PCDHB10: variants seen among roughly 807,000 people sequenced by gnomAD.
PCDHB10 encodes the protein protocadherin beta-10.
For synonymous variants in PCDHB10, 448 were observed against 449.2 expected, an observed-to-expected ratio of 1.00 and a Z score of 0.04; for missense variants, 1,046 against 1,004.7, an observed-to-expected ratio of 1.04 and a Z score of -0.56.
rs1306857306 is a variant in PCDHB10, at chr5:141,194,827, G to A, written c.2275G>A (p.Gly759Arg). 17 of 1,614,030 alleles carry A rather than the reference G, an allele frequency of 1.1e-5. No individual in the cohort carries two copies. The African/African-American group carries it at 1.5e-4, about 14-fold the overall frequency. Residue 759 changes from glycine to arginine, a missense_variant, in exon 1 of 1, where the codon GGA becomes AGA. Coordinates refer to ENST00000239446, the MANE Select transcript of PCDHB10 (RefSeq NM_018930.4). ...CTACCAGTATGAGGTGTGTCTGACG[G>A]GAGGCCCCGGGACCAGTGAGTTCAA... ...QSYQYEVCLTGGPGTSEFKFL... is the reference protein window; with the variant it reads ...QSYQYEVCLTRGPGTSEFKFL...
chr5:141,193,282 C>T lies in PCDHB10; in HGVS notation c.730C>T (p.Gln244Ter), dbSNP rs782462436. The T allele has an allele frequency of 1.2e-6, 2 of 1,614,076 alleles. No individual in the cohort carries two copies. Among genetic ancestry groups the T allele is most frequent in the Non-Finnish European group, 1.7e-6 (2 of 1,180,032 alleles). Residue 244 changes from glutamine to a stop codon, truncating the protein, a stop_gained, in exon 1 of 1, where the codon CAG becomes TAG. Coordinates refer to ENST00000239446, the MANE Select transcript of PCDHB10 (RefSeq NM_018930.4). LOFTEE classifies it low-confidence loss of function (END_TRUNC). ...DVNDNAPQFA[Q>*]ALYETQAPEN... The stretch of plus-strand genomic sequence containing the variant: ...CAATGACAATGCCCCACAGTTTGCC[C>T]AGGCTCTGTATGAGACCCAGGCTCC...
Position 141,192,486 on chromosome 5 carries a change from C to T in PCDHB10, c.-67C>T. 6.4e-7 allele frequency: 1 copy of T among 1,562,870 alleles called. No individual in the cohort carries two copies. On this transcript the variant is annotated 5_prime_UTR_variant, in exon 1 of 1. Transcript: ENST00000239446. ...CTACACGGCGTAGGTGCAGGGTTTCCTACTGCTGTTCTTTTATGCTGGGAG... is the reference window on the plus strand; with the variant it reads ...CTACACGGCGTAGGTGCAGGGTTTCTTACTGCTGTTCTTTTATGCTGGGAG...
Position 141,193,639 on chromosome 5 carries a change from A to T in PCDHB10, c.1087A>T (p.Thr363Ser). The stretch of plus-strand genomic sequence containing the variant: ...CTCTGTTGCTGAGAATTCTCCTGAG[A>T]CGCCGCTGGCTGTTTTTAAGATTAA... The part of the protein sequence containing the change: ...SNSVAENSPE[T>S]PLAVFKINDR... Residue 363 changes from threonine (T) to serine (S), a missense_variant, in exon 1 of 1, where the codon ACG becomes TCG. Transcript: ENST00000239446. 1 of 1,614,126 alleles carries T rather than the reference A, an allele frequency of 6.2e-7. No individual in the cohort carries two copies. The highest frequency in any genetic ancestry group is 8.5e-7 in the Non-Finnish European group (1 of 1,180,034).
chr5:141,194,917 T>C lies in PCDHB10; in HGVS notation c.2365T>C (p.Ser789Pro), dbSNP rs201234724. 4.3e-6 allele frequency: 7 copies of C among 1,612,192 alleles called. No homozygotes were observed. The highest frequency in any genetic ancestry group is 5.9e-6 in the Non-Finnish European group (7 of 1,179,038). Residue 789 changes from serine to proline, a missense_variant, in exon 1 of 1, where the codon TCC (serine) becomes CCC (proline). Physicochemically the swap from Ser to Pro is moderately conservative, Grantham distance 74. Coordinates refer to ENST00000239446, the MANE Select transcript of PCDHB10 (RefSeq NM_018930.4). Reference protein sequence around the residue: ...QGPGRKGEENSTFRNSFGFNI... With the variant: ...QGPGRKGEENPTFRNSFGFNI... Reference sequence around the variant, plus strand: ...CCCTGGGAGGAAGGGTGAAGAAAATTCCACCTTCCGAAATAGCTTTGGATT... The same window carrying C: ...CCCTGGGAGGAAGGGTGAAGAAAATCCCACCTTCCGAAATAGCTTTGGATT...
Position 141,193,646 on chromosome 5 carries a change from T to A in PCDHB10, c.1094T>A (p.Leu365Gln), listed in dbSNP as rs782505209. Residue 365 changes from leucine (L) to glutamine (Q), a missense_variant, in exon 1 of 1, where the codon CTG becomes CAG. Coordinates refer to ENST00000239446, the MANE Select transcript of PCDHB10 (RefSeq NM_018930.4). ...GCTGAGAATTCTCCTGAGACGCCGC[T>A]GGCTGTTTTTAAGATTAATGACAGA... is the stretch of plus-strand genomic sequence containing the variant. ...SVAENSPETP[L>Q]AVFKINDRDS... The A allele has an allele frequency of 3.1e-6, 5 of 1,614,064 alleles. No individual in the cohort carries two copies. In the African/African-American group the frequency reaches 5.3e-5, roughly 17 times the overall value.
At position 141,193,408 on chromosome 5, in the gene PCDHB10, G is replaced by A; in HGVS notation, c.856G>A (p.Glu286Lys). Residue 286 changes from glutamate to lysine, a missense_variant, in exon 1 of 1, where the codon GAA (glutamate) becomes AAA (lysine). Coordinates refer to ENST00000239446, the MANE Select transcript of PCDHB10 (RefSeq NM_018930.4). ...ATCCTATTCATTTTTTGATGCCTCA[G>A]AAAATATTCGAACAACCTTTCAAAT... The part of the protein sequence containing the change: ...EVSYSFFDAS[E>K]NIRTTFQINP... The A allele has an allele frequency of 1.9e-6, 3 of 1,614,142 alleles. No individual in the cohort carries two copies. The highest frequency in any genetic ancestry group is 2.5e-6 in the Non-Finnish European group (3 of 1,179,992).
chr5:141,195,049 T>C lies in PCDHB10; in HGVS notation c.*94T>C. ...TCTCAAATTTAAGTTATTATGCAAC[T>C]TCAAGCATTATTTTCAAGTAGTATA... On this transcript the variant is annotated 3_prime_UTR_variant, in exon 1 of 1. Coordinates refer to ENST00000239446, the MANE Select transcript of PCDHB10 (RefSeq NM_018930.4). 7.4e-7 allele frequency: 1 copy of C among 1,346,974 alleles called. No homozygotes were observed. Among genetic ancestry groups the C allele is most frequent in the East Asian group, 2.4e-5 (1 of 42,012 alleles). The allele number at this position is 1,346,974 out of a possible 1,614,324, so 83.4% of individuals were successfully genotyped here.
Position 141,193,919 on chromosome 5 carries a change from A to G in PCDHB10, c.1367A>G (p.Tyr456Cys), listed in dbSNP as rs141300369. 2,280 of 1,612,788 alleles carry G rather than the reference A, an allele frequency of 1.4e-3. 5 individuals are homozygous for G. Among genetic ancestry groups the G allele is most frequent in the Middle Eastern group, 7.4e-3 (40 of 5,398 alleles). Residue 456 changes from tyrosine (Y) to cysteine (C), a missense_variant, in exon 1 of 1, where the codon TAC becomes TGC. By Grantham distance (194) the Tyr-to-Cys change is radical. Transcript: ENST00000239446. ...GCCCCCGCCTTCACCCAAACCTCCT[A>G]CACCCTGTTCGTCCGCGAGAACAAC... The part of the protein sequence containing the change: ...DNAPAFTQTS[Y>C]TLFVRENNSP...
Position 141,194,891 on chromosome 5 carries a change from G to A in PCDHB10, c.2339G>A (p.Gly780Asp). ...GTTATTTCGGATATTCAGGCACAGG[G>A]CCCTGGGAGGAAGGGTGAAGAAAAT... The part of the protein sequence containing the change: ...KPVISDIQAQ[G>D]PGRKGEENST... The change falls in exon 1 of 1, where the codon GGC (glycine) becomes GAC (aspartate). Residue 780 changes from glycine (G) to aspartate (D), a missense_variant. Physicochemically the swap from Gly to Asp is moderately conservative, Grantham distance 94. Transcript: ENST00000239446. 1 of 1,614,130 alleles carries A rather than the reference G, an allele frequency of 6.2e-7. No homozygotes were observed. The highest frequency in any genetic ancestry group is 8.5e-7 in the Non-Finnish European group (1 of 1,180,004).
rs1554284482 is a variant in PCDHB10, at chr5:141,194,729, G to T, written c.2177G>T (p.Arg726Leu). The T allele has an allele frequency of 6.2e-7, 1 of 1,612,072 alleles. No homozygotes were observed. Among genetic ancestry groups the T allele is most frequent in the South Asian group, 1.1e-5 (1 of 90,996 alleles). Reference protein sequence around the residue: ...CRRSRAASVGRCSVPEGPFPG... With the variant: ...CRRSRAASVGLCSVPEGPFPG... ...AGGAGCAGGGCGGCCTCGGTGGGTC[G>T]CTGCTCGGTGCCCGAGGGTCCTTTT... The change falls in exon 1 of 1, where the codon CGC (arginine) becomes CTC (leucine). Residue 726 changes from arginine to leucine, a missense_variant. Coordinates refer to ENST00000239446, the MANE Select transcript of PCDHB10 (RefSeq NM_018930.4).
chr5:141,192,910 G>A lies in PCDHB10; in HGVS notation c.358G>A (p.Glu120Lys). The change falls in exon 1 of 1, where the codon GAG becomes AAG. Residue 120 changes from glutamate (E) to lysine (K), a missense_variant. By Grantham distance (56) the Glu-to-Lys change is moderately conservative. Transcript: ENST00000239446. ...TGATCCCTTTCAGATTTACCGGGCT[G>A]AGCTGAGAGTCAGGGATATAAATGA... The part of the protein sequence containing the change: ...MDDPFQIYRA[E>K]LRVRDINDHA... 6.2e-7 allele frequency: 1 copy of A among 1,614,056 alleles called. No individual in the cohort carries two copies. Among genetic ancestry groups the A allele is most frequent in the South Asian group, 1.1e-5 (1 of 91,062 alleles).
chr5:141,194,292 C>T lies in PCDHB10; in HGVS notation c.1740C>T (p.Ala580=), dbSNP rs782080332. ...APCTELVPRA[A]EPGYLVTKVV... The stretch of plus-strand genomic sequence containing the variant: ...GCACCGAGCTGGTGCCCCGGGCGGC[C>T]GAGCCGGGCTACCTGGTGACCAAGG... Residue 580 remains alanine (A), a synonymous_variant, in exon 1 of 1, where the codon GCC becomes GCT. Transcript: ENST00000239446. The T allele has an allele frequency of 2.0e-4, 316 of 1,604,016 alleles. No individual in the cohort carries two copies. The African/African-American group carries it at 3.8e-3, about 19-fold the overall frequency.
In PCDHB10 at chr5:141,193,252, G is replaced by T. The variant is rs781936978; in HGVS notation, c.700G>T (p.Asp234Tyr). Residue 234 changes from aspartate (D) to tyrosine (Y), a missense_variant, in exon 1 of 1, where the codon GAC (aspartate) becomes TAC (tyrosine). Transcript: ENST00000239446. Reference sequence around the variant, plus strand: ...CTCTACTGTACGCATCGTTGTCTTGGACGTCAATGACAATGCCCCACAGTT... The same window carrying T: ...CTCTACTGTACGCATCGTTGTCTTGTACGTCAATGACAATGCCCCACAGTT... ...GTSTVRIVVL[D>Y]VNDNAPQFAQ... The T allele has an allele frequency of 1.9e-6, 3 of 1,613,970 alleles. No individual in the cohort carries two copies. Among genetic ancestry groups the T allele is most frequent in the Admixed American group, 1.7e-5 (1 of 59,990 alleles).
At position 141,193,121 on chromosome 5, in the gene PCDHB10, T is replaced by C; in HGVS notation, c.569T>C (p.Ile190Thr). Reference protein sequence around the residue: ...INISGGDEGMIYPELVLDKAL... With the variant: ...INISGGDEGMTYPELVLDKAL... ...ATTAGTGGCGGTGATGAAGGCATGA[T>C]ATATCCAGAGCTAGTGTTGGACAAA... The change falls in exon 1 of 1, where the codon ATA becomes ACA. Residue 190 changes from isoleucine (I) to threonine (T), a missense_variant. Physicochemically the swap from Ile to Thr is moderately conservative, Grantham distance 89. Transcript: ENST00000239446. 1 of 1,614,156 alleles carries C rather than the reference T, an allele frequency of 6.2e-7. No homozygotes were observed. Among genetic ancestry groups the C allele is most frequent in the Non-Finnish European group, 8.5e-7 (1 of 1,180,044 alleles).
chr5:141,192,432 A>G lies in PCDHB10; in HGVS notation c.-121A>G. On this transcript the variant is annotated 5_prime_UTR_variant, in exon 1 of 1. Coordinates refer to ENST00000239446, the MANE Select transcript of PCDHB10 (RefSeq NM_018930.4). ...GAAGCTTTAGCTGCCAAAGATTGGGAAAGGGAAAGGACAAAAAAGACCCCT... is the reference window on the plus strand; with the variant it reads ...GAAGCTTTAGCTGCCAAAGATTGGGGAAGGGAAAGGACAAAAAAGACCCCT... 2 of 1,286,960 alleles carry G rather than the reference A, an allele frequency of 1.6e-6. No homozygotes were observed. Among genetic ancestry groups the G allele is most frequent in the East Asian group, 2.3e-5 (1 of 42,966 alleles). 79.7% of individuals were successfully genotyped at this position (1,286,960 alleles called of 1,614,324 possible). A position where few individuals can be genotyped will look rare whatever the true frequency, so the allele number is the denominator to read the frequency against.
rs146513187 is a variant in PCDHB10 at position 141,194,772 on chromosome 5, C to G, written c.2220C>G (p.Asp740Glu). ...PEGPFPGHLV[D>E]VRGAETLSQS... ...GTCCTTTTCCAGGGCATCTGGTGGACGTGAGGGGCGCTGAGACCCTGTCCC... is the reference window on the plus strand; with the variant it reads ...GTCCTTTTCCAGGGCATCTGGTGGAGGTGAGGGGCGCTGAGACCCTGTCCC... Residue 740 changes from aspartate (D) to glutamate (E), a missense_variant, in exon 1 of 1, where the codon GAC (aspartate) becomes GAG (glutamate). Asp to Glu is a conservative substitution (Grantham distance 45, BLOSUM62 2). Coordinates refer to ENST00000239446, the MANE Select transcript of PCDHB10 (RefSeq NM_018930.4). The G allele has an allele frequency of 8.4e-5, 136 of 1,614,036 alleles. No homozygotes were observed. The African/African-American group carries it at 1.4e-3, about 17-fold the overall frequency.
Position 141,194,219 on chromosome 5 carries a change from A to G in PCDHB10, c.1667A>G (p.Asp556Gly), listed in dbSNP as rs782386501. The G allele has an allele frequency of 6.2e-6, 10 of 1,603,788 alleles. No individual in the cohort carries two copies. Among genetic ancestry groups the G allele is most frequent in the Middle Eastern group, 2.2e-4 (1 of 4,448 alleles). ...LVRVLVLDAN[D>G]NSPFVLYPLQ... ...CGCGTGCTGGTGCTGGACGCCAACG[A>G]CAACTCGCCCTTCGTGCTGTACCCG... is the stretch of plus-strand genomic sequence containing the variant. The change falls in exon 1 of 1, where the codon GAC becomes GGC. Residue 556 changes from aspartate (D) to glycine (G), a missense_variant. By Grantham distance (94) the Asp-to-Gly change is moderately conservative. Transcript: ENST00000239446.
rs782070996 is a variant in PCDHB10 at position 141,193,793 on chromosome 5, G to A, written c.1241G>A (p.Arg414Lys). ...ITEGALDREI[R>K]AEYNITITVT... ...GAAGGCGCGCTGGACAGAGAGATCA[G>A]AGCCGAGTACAACATCACTATCACC... is the stretch of plus-strand genomic sequence containing the variant. Residue 414 changes from arginine (R) to lysine (K), a missense_variant, in exon 1 of 1, where the codon AGA becomes AAA. Coordinates refer to ENST00000239446, the MANE Select transcript of PCDHB10 (RefSeq NM_018930.4). 62 of 1,613,874 alleles carry A rather than the reference G, an allele frequency of 3.8e-5. No individual in the cohort carries two copies. The African/African-American group carries it at 7.5e-4, about 20-fold the overall frequency.
Position 141,193,482 on chromosome 5 carries a change from G to C in PCDHB10, c.930G>C (p.Glu310Asp). 6.2e-7 allele frequency: 1 copy of C among 1,614,146 alleles called. No homozygotes were observed. Among genetic ancestry groups the C allele is most frequent in the Non-Finnish European group, 8.5e-7 (1 of 1,180,024 alleles). ...EIFLRELLDY[E>D]LVNSYKINIQ... The stretch of plus-strand genomic sequence containing the variant: ...TTCTCAGAGAATTGCTTGATTATGA[G>C]TTAGTAAATTCTTACAAAATAAATA... The change falls in exon 1 of 1, where the codon GAG becomes GAC. Residue 310 changes from glutamate to aspartate, a missense_variant. Coordinates refer to ENST00000239446, the MANE Select transcript of PCDHB10 (RefSeq NM_018930.4).
Sources: gnomAD v4.1 joint callset for allele counts on GRCh38, gnomAD v4.1.1 for gene constraint, MANE v1.5 for transcripts, NCBI Gene and HGNC (gene_info 2026-07-23, HGNC 2026-07-21) for gene names.